The following TAFA4 variants were observed in gnomAD, a reference collection of about 807,000 sequenced individuals.
TAFA4 encodes the protein chemokine-like protein TAFA-4.
TAFA4 carries 20 observed loss-of-function variants against 21.1 expected under a neutral mutation model. The observed-to-expected ratio is 0.95, with a 90% CI of 0.67 to 1.38. TAFA4 has a LOEUF of 1.38. Among genes scored for constraint, TAFA4 ranks in the 40% most tolerant of loss-of-function variants. The pLI is 0.00. For synonymous variants in TAFA4, 71 were observed against 67.4 expected (o/e 1.05, Z -0.26); for missense variants, 211 against 180.9 (o/e 1.17, Z -0.95).
rs555632733 is a variant in TAFA4 at position 68,921,674 on chromosome 3, A to G, written c.-123+10566T>C. ...AAATCTTAAATCCACATCAGCTTTT[A>G]ACATCTGCCGAGTCTTAACTATACA... is the stretch of plus-strand genomic sequence containing the variant. On this transcript the variant is annotated intron_variant, in intron 1 of 5. Coordinates refer to ENST00000295569, the MANE Select transcript of TAFA4 (RefSeq NM_182522.5). 1.1e-3 allele frequency among the ~76,000 whole-genome samples: 171 copies of G among 152,308 alleles called. 2 individuals are homozygous for G. Among genetic ancestry groups the G allele is most frequent in the African/African-American group, 4.1e-3 (169 of 41,564 alleles).
intron 3 of TAFA4, among the ~76,000 whole-genome samples, chr3:68,847,378 T>G (rs1195478857): frequency 6.6e-6 from 1 of 152,236 alleles, no homozygotes; most frequent in Admixed American, 6.5e-5. Flanking sequence ...CCACCAGGCT[T>G]GAGCATCCCA....
At chr3:68,783,698 AG>A (rs1347262192) in intron 3 of TAFA4, among the ~76,000 whole-genome samples, 4 of 126,490 alleles carry the variant, frequency 3.2e-5, no homozygotes, top group Admixed American at 1.7e-4. Context: ...AGAGAGAGAG[AG>A]AGAGAGAGAA....
rs115725976 is a variant in TAFA4 at position 68,870,462 on chromosome 3, G to A, written c.130+10268C>T. Among the ~76,000 whole-genome samples the A allele has an allele frequency of 2.2e-3, 333 of 152,134 alleles. 1 individual carries two copies. The highest frequency in any genetic ancestry group is 7.8e-3 in the African/African-American group (322 of 41,498). ...ACTTGACTTCAAAATATACTACAAA[G>A]CCATAGTAATTAAAACAGCATGGTA... On this transcript the variant is annotated intron_variant, in intron 3 of 5. Coordinates refer to ENST00000295569, the MANE Select transcript of TAFA4 (RefSeq NM_182522.5).
At chr3:68,868,958 A>G (rs1017470490) in intron 3 of TAFA4, among the ~76,000 whole-genome samples, 3 of 151,892 alleles carry the variant, frequency 2.0e-5, no homozygotes, top group African/African-American at 7.2e-5. Flanking sequence ...AGAGATAAAA[A>G]AATTGAAAAA....
At chr3:68,750,993 G>T in intron 4 of TAFA4, among the ~76,000 whole-genome samples, 1 of 152,320 alleles carries the variant, frequency 6.6e-6, no homozygotes, top group East Asian at 1.9e-4. Flanking sequence ...TGGGATGAAT[G>T]TCATGAACTG....
At chr3:68,758,687 A>ATTTC in intron 3 of TAFA4, among the ~76,000 whole-genome samples, 2 of 152,320 alleles carry the variant, frequency 1.3e-5, no homozygotes, top group Middle Eastern at 6.8e-3. Context: ...ATATATTTTT[A>ATTTC]TTTCTTTGTA....
intron 3 of TAFA4, among the ~76,000 whole-genome samples, chr3:68,855,867 G>T (rs1461552301): frequency 6.6e-6 from 1 of 152,022 alleles, no homozygotes; most frequent in Non-Finnish European, 1.5e-5. Flanking sequence ...CTTCCACAAA[G>T]GTACCATTCT....
intron 3 of TAFA4, among the ~76,000 whole-genome samples, chr3:68,858,577 C>CGTGTGTGTGTGT (rs4065047): frequency 2.2e-3 from 323 of 146,156 alleles, no homozygotes; most frequent in Non-Finnish European, 3.0e-3. Context: ...TTCCAAGTGA[C>CGTGTGTGTGTGT]GTGTGTGTGT....
chr3:68,748,214 T>A (rs373521854), intron 4 of TAFA4, among the ~76,000 whole-genome samples: 1 of 152,240 alleles, frequency 6.6e-6, no homozygotes, highest in African/African-American at 2.4e-5. Flanking sequence ...AAATGATGAA[T>A]GAACCAACGT....
At chr3:68,931,359 G>A (rs574545446) in intron 1 of TAFA4, among the ~76,000 whole-genome samples, 19 of 152,316 alleles carry the variant, frequency 1.2e-4, no homozygotes, top group Admixed American at 1.2e-3. Context: ...ATACTGCTTA[G>A]GAGCTGATTC....
chr3:68,844,381 T>G (rs1195716362), intron 3 of TAFA4, among the ~76,000 whole-genome samples: 1 of 152,192 alleles, frequency 6.6e-6, no homozygotes. Flanking sequence ...TATCACTTTT[T>G]ATTGTGTCTA....
chr3:68,757,529 A>C (rs1575597372), intron 3 of TAFA4, among the ~76,000 whole-genome samples: 1 of 152,230 alleles, frequency 6.6e-6, no homozygotes, highest in East Asian at 1.9e-4. Flanking sequence ...GAAAATGAAA[A>C]ATATATGTGT....
At chr3:68,783,170 C>T (rs1444997820) in intron 3 of TAFA4, among the ~76,000 whole-genome samples, 2 of 152,170 alleles carry the variant, frequency 1.3e-5, no homozygotes, top group Non-Finnish European at 2.9e-5. Context: ...CTATAGCAAA[C>T]ATACACAACT....
rs554989964 is a variant in TAFA4 at position 68,821,204 on chromosome 3, C to T, written c.130+59526G>A. Among the ~76,000 whole-genome samples, 102 of 152,170 alleles carry T rather than the reference C, an allele frequency of 6.7e-4. 1 individual carries two copies. The highest frequency in any genetic ancestry group is 1.8e-3 in the Admixed American group (28 of 15,284). On this transcript the variant is annotated intron_variant, in intron 3 of 5. Coordinates refer to ENST00000295569, the MANE Select transcript of TAFA4 (RefSeq NM_182522.5). Reference sequence around the variant, plus strand: ...TTTGAACCACTGCCAAAATATACCACGCTGTTAATTTCAGTGAGGACTCAC... The same window carrying T: ...TTTGAACCACTGCCAAAATATACCATGCTGTTAATTTCAGTGAGGACTCAC...
chr3:68,734,022 A>G (rs1702197496), intron 5 of TAFA4, among the ~76,000 whole-genome samples: 1 of 152,150 alleles, frequency 6.6e-6, no homozygotes, highest in African/African-American at 2.4e-5. Flanking sequence ...AAAGGACTCA[A>G]TATGGTAAAT....
At chr3:68,849,412 T>A (rs1224502899) in intron 3 of TAFA4, among the ~76,000 whole-genome samples, 1 of 152,208 alleles carries the variant, frequency 6.6e-6, no homozygotes, top group Non-Finnish European at 1.5e-5. Flanking sequence ...CTGGAATGCT[T>A]GTTCTTGAAT....
chr3:68,883,936 A>G (rs1575657127), intron 2 of TAFA4, among the ~76,000 whole-genome samples: 1 of 151,994 alleles, frequency 6.6e-6, no homozygotes, highest in African/African-American at 2.4e-5. Flanking sequence ...TGTCTCAAAA[A>G]AAGAAGGCAG....
chr3:68,831,155 G>T lies in TAFA4; in HGVS notation c.130+49575C>A, dbSNP rs138796388. ...GACTCTTTATCCAATTTGCCAGTCT[G>T]TGTCTTTTAATTGGGGCCTTTAGCC... On this transcript the variant is annotated intron_variant, in intron 3 of 5. Transcript: ENST00000295569. 5.0e-3 allele frequency among the ~76,000 whole-genome samples: 764 copies of T among 152,304 alleles called. 15 individuals are homozygous for T. The East Asian group carries it at 0.058, about 12-fold the overall frequency.
At chr3:68,870,405 G>A (rs1439040828) in intron 3 of TAFA4, among the ~76,000 whole-genome samples, 2 of 151,752 alleles carry the variant, frequency 1.3e-5, no homozygotes, top group Non-Finnish European at 2.9e-5. Flanking sequence ...ATCCGAACTG[G>A]ACAAAAAGAA....
Sources: allele counts gnomAD v4.1 joint callset (sites outside exome capture counted in the v4.1 genomes callset), GRCh38; gene constraint gnomAD v4.1.1; transcripts MANE v1.5; gene names NCBI Gene and HGNC (gene_info 2026-07-23, HGNC 2026-07-21).